Variants in SPAG16 observed in about 807,000 individuals in gnomAD.
SPAG16 encodes the protein sperm-associated antigen 16 protein.
A neutral mutation model predicts 80.4 loss-of-function variants in SPAG16; 86 were observed. That is an observed-to-expected ratio of 1.07 (90% CI 0.90 to 1.28). The LOEUF (loss-of-function observed/expected upper bound fraction) is 1.28. Among genes scored for constraint, SPAG16 ranks in the 50% most tolerant of loss-of-function variants. The pLI, the probability that SPAG16 is intolerant of heterozygous loss-of-function variation, is 0.00. For missense variants in SPAG16, 870 were observed against 765.3 expected, an observed-to-expected ratio of 1.14 and a Z score of -1.61; for synonymous variants, 294 against 265.9, an observed-to-expected ratio of 1.11 and a Z score of -1.03.
intron 9 of SPAG16, among the ~76,000 whole-genome samples, chr2:213,466,078 T>C (rs1317951644): frequency 6.6e-6 from 1 of 152,180 alleles, no homozygotes; most frequent in African/African-American, 2.4e-5. Flanking sequence ...TAAATCTTTC[T>C]CCTGTGCTGG....
intron 15 of SPAG16, among the ~76,000 whole-genome samples, chr2:214,366,367 A>G (rs1253615675): frequency 6.6e-6 from 1 of 152,212 alleles, no homozygotes; most frequent in East Asian, 1.9e-4. Context: ...AGCTTCTACC[A>G]GTAGACTTTT....
chr2:214,061,132 T>C (rs1401787412), intron 13 of SPAG16, among the ~76,000 whole-genome samples: 1 of 152,174 alleles, frequency 6.6e-6, no homozygotes, highest in Non-Finnish European at 1.5e-5. Flanking sequence ...TCGAATATCT[T>C]CAAACGGATC....
intron 15 of SPAG16, among the ~76,000 whole-genome samples, chr2:214,395,385 C>A (rs1449620793): frequency 2.0e-5 from 3 of 152,170 alleles, no homozygotes; most frequent in Non-Finnish European, 2.9e-5. Flanking sequence ...TATCAATGTT[C>A]TGGTGTATGT....
intron 6 of SPAG16, among the ~76,000 whole-genome samples, chr2:213,348,761 G>A (rs1354284479): frequency 6.6e-6 from 1 of 152,150 alleles, no homozygotes; most frequent in African/African-American, 2.4e-5. Context: ...TTAGTCTGAT[G>A]GGCTTCCCTT....
intron 10 of SPAG16, among the ~76,000 whole-genome samples, chr2:213,661,562 A>G (rs1344548115): frequency 6.6e-6 from 1 of 152,172 alleles, no homozygotes. Flanking sequence ...GGGCTTCAGC[A>G]TGTGAAAGTG....
At chr2:214,053,117 C>T (rs1003413577) in intron 13 of SPAG16, among the ~76,000 whole-genome samples, 1 of 152,066 alleles carries the variant, frequency 6.6e-6, no homozygotes, top group Non-Finnish European at 1.5e-5. Context: ...GGTTATTTCA[C>T]CTGGAGGAGA....
chr2:214,347,874 G>C (rs1698160030), intron 15 of SPAG16, among the ~76,000 whole-genome samples: 1 of 152,142 alleles, frequency 6.6e-6, no homozygotes, highest in Admixed American at 6.5e-5. Flanking sequence ...GTGAACACAA[G>C]CTACTCTCCA....
chr2:213,418,708 T>G (rs2069410423), intron 9 of SPAG16, among the ~76,000 whole-genome samples: 1 of 152,220 alleles, frequency 6.6e-6, no homozygotes, highest in Non-Finnish European at 1.5e-5. Context: ...TCAGGATTAC[T>G]GTAAAAGGCT....
chr2:214,200,001 A>G (rs2057962714), intron 15 of SPAG16, among the ~76,000 whole-genome samples: 1 of 152,050 alleles, frequency 6.6e-6, no homozygotes, highest in Non-Finnish European at 1.5e-5. Context: ...AACTTTTTGG[A>G]TGAGTTTTTA....
intron 9 of SPAG16, among the ~76,000 whole-genome samples, chr2:213,426,832 TACATACACACACAC>T (rs1470762539): frequency 0.013 from 857 of 65,338 alleles, 13 homozygotes; most frequent in South Asian, 0.087. Flanking sequence ...ATTATTCTGA[TACATACACACACAC>T]ACACACACAC....
intron 10 of SPAG16, among the ~76,000 whole-genome samples, chr2:213,856,448 G>A (rs542062920): frequency 6.6e-6 from 1 of 152,328 alleles, no homozygotes; most frequent in East Asian, 1.9e-4. Flanking sequence ...GCTCCGTTAG[G>A]CAATGCCCCA....
intron 13 of SPAG16, among the ~76,000 whole-genome samples, chr2:214,103,083 T>G (rs1233030583): frequency 6.6e-6 from 1 of 152,226 alleles, no homozygotes; most frequent in Middle Eastern, 3.4e-3. Flanking sequence ...TCTGAGGTTT[T>G]TTCCTTTCTC....
At chr2:213,785,853 A>C (rs1305199775) in intron 10 of SPAG16, among the ~76,000 whole-genome samples, 1 of 152,010 alleles carries the variant, frequency 6.6e-6, no homozygotes. Context: ...CTAACAATAC[A>C]AAAATTAGCT....
chr2:214,296,114 A>G (rs766041766), intron 15 of SPAG16, among the ~76,000 whole-genome samples: 6 of 152,082 alleles, frequency 3.9e-5, no homozygotes, highest in Non-Finnish European at 7.4e-5. Context: ...ATGTGTACTC[A>G]TTTGTTAGCT....
At chr2:213,626,641 ATTTTTTTTTTTTTTT>A (rs10582370) in intron 10 of SPAG16, among the ~76,000 whole-genome samples, 2 of 98,980 alleles carry the variant, frequency 2.0e-5, no homozygotes, top group Admixed American at 2.6e-4. Context: ...ATCGGGCTCA[ATTTTTTTTTTTTTTT>A]TTTTTTTTTT....
chr2:213,839,035 G>T (rs546850053), intron 10 of SPAG16, among the ~76,000 whole-genome samples: 1 of 152,116 alleles, frequency 6.6e-6, no homozygotes, highest in Admixed American at 6.5e-5. Context: ...GCTTTCCAAG[G>T]TTTGTCATAG....
At position 213,756,769 on chromosome 2, in the gene SPAG16, G is replaced by GTT. The variant is rs36007824; in HGVS notation, c.1071-105708_1071-105707dup. Among the ~76,000 whole-genome samples, 624 of 150,978 alleles carry GTT rather than the reference G, an allele frequency of 4.1e-3. 7 individuals carry two copies. The highest frequency in any genetic ancestry group is 0.018 in the South Asian group (86 of 4,774). ...ATTTATTTAAAAAGACACTCAAATA[G>GTT]TTTTTTTTTATATGAAGAAAGTAAA... On this transcript the variant is annotated intron_variant, in intron 10 of 15. Coordinates refer to ENST00000331683, the MANE Select transcript of SPAG16 (RefSeq NM_024532.5).
At chr2:214,213,500 G>A (rs2058350098) in intron 15 of SPAG16, among the ~76,000 whole-genome samples, 2 of 152,196 alleles carry the variant, frequency 1.3e-5, no homozygotes, top group Non-Finnish European at 2.9e-5. Context: ...AAGGGAGCAA[G>A]CATAGGTTTT....
chr2:214,117,870 C>T (rs898376735), intron 14 of SPAG16, among the ~76,000 whole-genome samples: 2 of 152,012 alleles, frequency 1.3e-5, no homozygotes, highest in Admixed American at 6.6e-5. Flanking sequence ...CAATAAAGGC[C>T]ATATATGAGA....
Sources: gnomAD v4.1 joint callset for allele counts (sites outside exome capture counted in the v4.1 genomes callset) on GRCh38, gnomAD v4.1.1 for gene constraint, MANE v1.5 for transcripts, NCBI Gene and HGNC (gene_info 2026-07-23, HGNC 2026-07-21) for gene names.